Variants in WWOX observed in about 807,000 individuals in gnomAD.
The protein encoded by WWOX is WW domain containing oxidoreductase.
WWOX carries 69 observed loss-of-function variants against 46.2 expected under a neutral mutation model. The ratio of observed to expected loss-of-function variants is 1.49; its 90% CI spans 1.23 to 1.82. WWOX has a LOEUF of 1.82. WWOX is among the 40% of genes most tolerant of loss of function. The probability of loss-of-function intolerance (pLI) is 0.00; values close to 1 mark genes in which losing one functional copy is unlikely to be tolerated. For synonymous variants in WWOX, 359 were observed against 202.6 expected (o/e 1.77, Z -6.56); for missense variants, 919 against 542.6 (o/e 1.69, Z -6.89).
In WWOX at chr16:79,122,428, G is replaced by A. The variant is rs565455885; in HGVS notation, c.1057-89180G>A. Among the ~76,000 whole-genome samples, 3 of 152,264 alleles carry A rather than the reference G, an allele frequency of 2.0e-5. No homozygotes were observed. In the South Asian group the frequency reaches 6.2e-4, roughly 32 times the overall value. On this transcript the variant is annotated intron_variant, in intron 8 of 8. Transcript: ENST00000566780. ...GAAAAGGAGTGTGGAAAAGGTGTGG[G>A]CAAGCACGGCATCTCTTCTTTCTTT...
At chr16:78,934,784 C>G (rs1342505697) in intron 8 of WWOX, among the ~76,000 whole-genome samples, 2 of 152,050 alleles carry the variant, frequency 1.3e-5, no homozygotes, top group African/African-American at 4.8e-5. Flanking sequence ...TAAATGCAGG[C>G]CTATAGAGAG....
chr16:78,989,361 G>C (rs553057623), intron 8 of WWOX, among the ~76,000 whole-genome samples: 21 of 152,152 alleles, frequency 1.4e-4, no homozygotes, highest in African/African-American at 5.1e-4. Context: ...TTGCTTCCTT[G>C]GATCCCCAAG....
At chr16:78,706,837 C>A (rs368588456) in intron 8 of WWOX, among the ~76,000 whole-genome samples, 1 of 152,206 alleles carries the variant, frequency 6.6e-6, no homozygotes, top group South Asian at 2.1e-4. Context: ...CACTTTATCA[C>A]CCAGTCTGGA....
At chr16:78,645,789 C>T (rs540556503) in intron 8 of WWOX, among the ~76,000 whole-genome samples, 4 of 152,132 alleles carry the variant, frequency 2.6e-5, no homozygotes, top group Non-Finnish European at 4.4e-5. Flanking sequence ...CAACAGACAT[C>T]CAAACTATAG....
chr16:78,245,401 C>G (rs1412618563), intron 5 of WWOX, among the ~76,000 whole-genome samples: 1 of 152,114 alleles, frequency 6.6e-6, no homozygotes, highest in African/African-American at 2.4e-5. Context: ...GATTGATTTG[C>G]CAGAAGTAGA....
chr16:78,487,247 A>T (rs1208447722), intron 8 of WWOX, among the ~76,000 whole-genome samples: 1 of 151,060 alleles, frequency 6.6e-6, no homozygotes, highest in Non-Finnish European at 1.5e-5. Flanking sequence ...CATCTTGAAC[A>T]TGTTGCTGTA....
intron 8 of WWOX, among the ~76,000 whole-genome samples, chr16:78,773,894 G>T (rs1465146463): frequency 6.6e-6 from 1 of 152,182 alleles, no homozygotes; most frequent in Non-Finnish European, 1.5e-5. Context: ...ACTTGTATGG[G>T]AGATCCAGAA....
chr16:79,110,493 T>G (rs2049396692), intron 8 of WWOX, among the ~76,000 whole-genome samples: 1 of 152,178 alleles, frequency 6.6e-6, no homozygotes, highest in Non-Finnish European at 1.5e-5. Context: ...TTCTCTCTGC[T>G]AGAATATCTG....
At chr16:78,638,012 G>C (rs1470104772) in intron 8 of WWOX, among the ~76,000 whole-genome samples, 1 of 152,130 alleles carries the variant, frequency 6.6e-6, no homozygotes, top group Non-Finnish European at 1.5e-5. Flanking sequence ...TGCAGTGTTT[G>C]AGTTCTTCCC....
chr16:78,752,285 C>G (rs529099660), intron 8 of WWOX, among the ~76,000 whole-genome samples: 56 of 152,176 alleles, frequency 3.7e-4, no homozygotes, highest in African/African-American at 1.3e-3. Context: ...CAAAGATATT[C>G]TTTCTTTCCT....
intron 5 of WWOX, among the ~76,000 whole-genome samples, chr16:78,383,079 G>A (rs185258762): frequency 6.6e-6 from 1 of 150,696 alleles, no homozygotes; most frequent in Non-Finnish European, 1.5e-5. Context: ...TCACGAGACA[G>A]CACTAGGGGG....
At chr16:78,409,746 A>G (rs2082632797) in intron 6 of WWOX, among the ~76,000 whole-genome samples, 1 of 152,176 alleles carries the variant, frequency 6.6e-6, no homozygotes, top group Non-Finnish European at 1.5e-5. Context: ...TAGAGACTCC[A>G]GGGAGAATAT....
chr16:78,990,600 G>T (rs1983095), intron 8 of WWOX, among the ~76,000 whole-genome samples: 4,898 of 152,268 alleles, frequency 0.032, 252 homozygotes, highest in African/African-American at 0.11. Context: ...CACCCAAGTT[G>T]TAAGATGGTA....
chr16:78,159,671 G>GTTTTT (rs1343670783), intron 4 of WWOX, among the ~76,000 whole-genome samples: 16 of 84,610 alleles, frequency 1.9e-4, no homozygotes, highest in African/African-American at 3.2e-4. Context: ...TAAAATCTGT[G>GTTTTT]GTTTTTTTTT....
intron 8 of WWOX, among the ~76,000 whole-genome samples, chr16:78,947,004 T>TC (rs1424629896): frequency 6.6e-6 from 1 of 151,654 alleles, no homozygotes; most frequent in Non-Finnish European, 1.5e-5. Context: ...GGGACTTTGT[T>TC]CCCCCTCAGT....
At chr16:78,881,433 T>C (rs984494075) in intron 8 of WWOX, among the ~76,000 whole-genome samples, 1 of 152,262 alleles carries the variant, frequency 6.6e-6, no homozygotes, top group Non-Finnish European at 1.5e-5. Flanking sequence ...CTCCAAAATA[T>C]ATTTTCAAGG....
intron 8 of WWOX, among the ~76,000 whole-genome samples, chr16:78,969,236 C>G (rs1220911444): frequency 2.0e-5 from 3 of 151,118 alleles, no homozygotes; most frequent in Admixed American, 6.6e-5. Context: ...GAAAATAACA[C>G]TAGGATTGCC....
At chr16:79,051,541 G>A (rs921559308) in intron 8 of WWOX, among the ~76,000 whole-genome samples, 36 of 143,282 alleles carry the variant, frequency 2.5e-4, no homozygotes, top group Admixed American at 7.7e-4. Flanking sequence ...GCCTGCAAGG[G>A]AGGCTGGGAA....
intron 8 of WWOX, among the ~76,000 whole-genome samples, chr16:78,958,108 T>C (rs540515343): frequency 1.3e-5 from 2 of 152,320 alleles, no homozygotes; most frequent in South Asian, 2.1e-4. Flanking sequence ...TTCTCCGATA[T>C]ATTATTTGGT....
Sources: allele counts gnomAD v4.1 joint callset (sites outside exome capture counted in the v4.1 genomes callset), GRCh38; gene constraint gnomAD v4.1.1; transcripts MANE v1.5; gene names NCBI Gene and HGNC (gene_info 2026-07-23, HGNC 2026-07-21).